Variants in C9 observed in about 807,000 individuals in gnomAD.
C9 encodes the protein complement component C9.
In C9, 63 loss-of-function variants were observed where a neutral mutation model predicts 65.4. That is an observed-to-expected ratio of 0.96 (90% CI 0.79 to 1.19). The LOEUF (loss-of-function observed/expected upper bound fraction) is 1.19. Ranked by LOEUF, C9 falls within the 50% of genes most tolerant of loss-of-function variation. The pLI, the probability that C9 is intolerant of heterozygous loss-of-function variation, is 0.00. For synonymous variants in C9, 229 were observed against 227.9 expected (o/e 1.00, Z -0.04); for missense variants, 744 against 670.1 (o/e 1.11, Z -1.22).
intron 5 of C9, among the ~76,000 whole-genome samples, chr5:39,330,711 G>C (rs1485909040): frequency 6.6e-6 from 1 of 151,548 alleles, no homozygotes; most frequent in East Asian, 1.9e-4. Context: ...CAGATTTTTT[G>C]GCAACTGACA....
At chr5:39,349,807 T>C (rs973821928) in intron 1 of C9, among the ~76,000 whole-genome samples, 5 of 152,192 alleles carry the variant, frequency 3.3e-5, no homozygotes, top group Non-Finnish European at 4.4e-5. Context: ...CTTTCATTTC[T>C]TTTTTCTTCT....
chr5:39,311,821 T>G (rs1473470257), intron 6 of C9, among the ~76,000 whole-genome samples: 1 of 152,146 alleles, frequency 6.6e-6, no homozygotes. Flanking sequence ...CATAGCATAT[T>G]AATACAATGG....
At chr5:39,327,661 T>C (rs1318160125) in intron 5 of C9, among the ~76,000 whole-genome samples, 1 of 152,160 alleles carries the variant, frequency 6.6e-6, no homozygotes, top group Non-Finnish European at 1.5e-5. Flanking sequence ...GACAACTGGA[T>C]ATACAAGCAT....
intron 5 of C9, 128 bp from the exon 6 acceptor site, chr5:39,316,157 A>C: frequency 1.4e-6 from 1 of 713,366 alleles, no homozygotes; most frequent in Non-Finnish European, 2.3e-6. Flanking sequence ...TAAGAGCAAA[A>C]GTGATGGAGT....
Position 39,342,082 on chromosome 5 carries a change from A to G in C9, c.183+9T>C. The G allele has an allele frequency of 6.9e-7, 1 of 1,458,872 alleles. No homozygotes were observed. The highest frequency in any genetic ancestry group is 9.6e-7 in the Non-Finnish European group (1 of 1,038,070). The allele number at this position is 1,458,872 out of a possible 1,614,324, so 90.4% of individuals were successfully genotyped here. ...GGGAGGTCAGTGGGGAAGGGAGATGAACACTTACCATTTGTCTGAGACAAG... is the reference window on the plus strand; with the variant it reads ...GGGAGGTCAGTGGGGAAGGGAGATGGACACTTACCATTTGTCTGAGACAAG... On this transcript the variant is annotated intron_variant, in intron 2 of 10. Transcript: ENST00000263408.
intron 1 of C9, among the ~76,000 whole-genome samples, chr5:39,359,014 A>AAT (rs1164914901): frequency 1.3e-3 from 20 of 15,840 alleles, no homozygotes; most frequent in South Asian, 3.8e-3. Context: ...TAAATAAATA[A>AAT]AAAATATATA....
At position 39,359,032 on chromosome 5, in the gene C9, ATATATG is replaced by A. The variant is rs1349739730; in HGVS notation, c.77+5350_77+5355del. Among the ~76,000 whole-genome samples, 327 of 119,610 alleles carry A rather than the reference ATATATG, an allele frequency of 2.7e-3. 3 individuals carry two copies. Among genetic ancestry groups the A allele is most frequent in the African/African-American group, 0.01 (315 of 31,362 alleles). The allele number at this position is 119,610 out of a possible 152,430, so 78.5% of individuals were successfully genotyped here. On this transcript the variant is annotated intron_variant, in intron 1 of 10. Coordinates refer to ENST00000263408, the MANE Select transcript of C9 (RefSeq NM_001737.5). ...ATAAATAAAAAATATATATATATAT[ATATATG>A]TGTGTGTGTGTATATATATGTGTAT...
intron 5 of C9, among the ~76,000 whole-genome samples, chr5:39,319,012 T>C (rs1034323409): frequency 3.9e-5 from 6 of 152,134 alleles, no homozygotes; most frequent in Non-Finnish European, 8.8e-5. Flanking sequence ...CCTTTTATGC[T>C]GCTTTTTCTT....
chr5:39,312,837 C>G (rs75107647), intron 6 of C9, among the ~76,000 whole-genome samples: 4,499 of 152,188 alleles, frequency 0.03, 203 homozygotes, highest in African/African-American at 0.1. Context: ...AACTGTCTGT[C>G]TTCTTAAAGC....
chr5:39,296,420 G>A lies in C9; in HGVS notation c.1417-7469C>T, dbSNP rs140982950. Among the ~76,000 whole-genome samples the A allele has an allele frequency of 3.7e-3, 566 of 151,640 alleles. 5 individuals are homozygous for A. Among genetic ancestry groups the A allele is most frequent in the African/African-American group, 0.013 (541 of 41,482 alleles). ...AAGGCCAAAAAGTATATTTAAAAATGTTCAATATCAAACGGATAAAAATAA... is the reference window on the plus strand; with the variant it reads ...AAGGCCAAAAAGTATATTTAAAAATATTCAATATCAAACGGATAAAAATAA... On this transcript the variant is annotated intron_variant, in intron 9 of 10. Transcript: ENST00000263408.
intron 5 of C9, among the ~76,000 whole-genome samples, chr5:39,328,404 A>G (rs261752): frequency 0.51 from 77,283 of 152,018 alleles, 20,570 homozygotes; most frequent in African/African-American, 0.68. Flanking sequence ...AAGGTGTTAC[A>G]GACCTACTGA....
chr5:39,341,515 A>T (rs374771339), intron 3 of C9, 41 bp downstream of exon 3: 7 of 1,607,166 alleles, frequency 4.4e-6, no homozygotes, highest in Non-Finnish European at 4.3e-6. Context: ...TCAGGAAGGC[A>T]CACAGAAAGC....
chr5:39,345,916 G>C (rs1402795941), intron 1 of C9, among the ~76,000 whole-genome samples: 1 of 152,174 alleles, frequency 6.6e-6, no homozygotes, highest in Non-Finnish European at 1.5e-5. Flanking sequence ...GCTTCTGAAT[G>C]ACTACTGGGT....
intron 10 of C9, among the ~76,000 whole-genome samples, chr5:39,287,459 A>G (rs1753011504): frequency 6.6e-6 from 1 of 152,050 alleles, no homozygotes; most frequent in African/African-American, 2.4e-5. Flanking sequence ...GAGGAAAATA[A>G]TCTTTATATG....
intron 4 of C9, among the ~76,000 whole-genome samples, chr5:39,336,649 A>C (rs1454122797): frequency 6.6e-6 from 1 of 152,156 alleles, no homozygotes; most frequent in Non-Finnish European, 1.5e-5. Flanking sequence ...TCATTCATTC[A>C]TGGTGCTAGG....
At position 39,341,870 on chromosome 5, in the gene C9, G is replaced by T. The variant is rs527813872; in HGVS notation, c.184-170C>A. Among the ~76,000 whole-genome samples the T allele has an allele frequency of 3.3e-5, 5 of 152,286 alleles. No individual in the cohort carries two copies. In the South Asian group the frequency reaches 1.0e-3, roughly 32 times the overall value. ...GGTAACACTCTGCATTCTAGGTTTGGCAGCCTCTTATACAGATGATTCCTC... is the reference window on the plus strand; with the variant it reads ...GGTAACACTCTGCATTCTAGGTTTGTCAGCCTCTTATACAGATGATTCCTC... On this transcript the variant is annotated intron_variant, in intron 2 of 10. Transcript: ENST00000263408.
At chr5:39,298,304 T>A (rs1753221021) in intron 9 of C9, among the ~76,000 whole-genome samples, 1 of 149,492 alleles carries the variant, frequency 6.7e-6, no homozygotes, top group Non-Finnish European at 1.5e-5. Flanking sequence ...AGGAAGGAAA[T>A]AATGAGAATT....
chr5:39,293,645 C>T (rs980927209), intron 9 of C9, among the ~76,000 whole-genome samples: 1 of 151,874 alleles, frequency 6.6e-6, no homozygotes, highest in African/African-American at 2.4e-5. Context: ...GAGAGATTAT[C>T]TAAACAGAAA....
At chr5:39,350,926 CTT>C (rs1348590620) in intron 1 of C9, among the ~76,000 whole-genome samples, 1 of 152,208 alleles carries the variant, frequency 6.6e-6, no homozygotes, top group Non-Finnish European at 1.5e-5. Context: ...AAACCTGACA[CTT>C]TTCCTCCACA....
Sources: gnomAD v4.1 joint callset for allele counts (sites outside exome capture counted in the v4.1 genomes callset) on GRCh38, gnomAD v4.1.1 for gene constraint, MANE v1.5 for transcripts, NCBI Gene and HGNC (gene_info 2026-07-23, HGNC 2026-07-21) for gene names.